HSPA4: variants seen among roughly 807,000 people sequenced by gnomAD.
HSPA4 encodes the protein heat shock 70 kDa protein 4.
Under a neutral mutation model 106.2 loss-of-function variants are expected in HSPA4, and 25 were observed. The observed-to-expected ratio is 0.24, with a 90% CI of 0.17 to 0.33. The LOEUF (loss-of-function observed/expected upper bound fraction) is 0.33, where lower values mean the gene tolerates loss of function less well. Ranked by LOEUF, HSPA4 falls within the 10% of genes least tolerant of loss-of-function variation. HSPA4 has a pLI of 1.00. For missense variants in HSPA4, 841 were observed against 996.0 expected (o/e 0.84, Z 2.10); for synonymous variants, 332 against 333.6 (o/e 1.00, Z 0.05).
At chr5:133,085,936 C>G (rs143201473) in intron 7 of HSPA4, among the ~76,000 whole-genome samples, 1 of 152,150 alleles carries the variant, frequency 6.6e-6, no homozygotes, top group Admixed American at 6.5e-5. Context: ...ATGTACCATA[C>G]TAATGCAAGA....
In HSPA4 at chr5:133,096,104, C is replaced by G. The variant is rs1255007789; in HGVS notation, c.1657C>G (p.Gln553Glu). The change falls in exon 14 of 19, where the codon CAA becomes GAA. Residue 553 changes from glutamine to glutamate, a missense_variant. By Grantham distance (29) the Gln-to-Glu change is conservative. Around this residue, in one of 5 missense-constraint regions of HSPA4, gnomAD observed 328 missense variants for 372.2 expected, o/e 0.88. Coordinates refer to ENST00000304858, the MANE Select transcript of HSPA4 (RefSeq NM_002154.4). Reference sequence around the variant, plus strand: ...ATGATTTCTATTGTTTTAGACCTCTCAAGCTGGATCCAAGGATAAAAAGAT... The same window carrying G: ...ATGATTTCTATTGTTTTAGACCTCTGAAGCTGGATCCAAGGATAAAAAGAT... Reference protein sequence around the residue: ...KAESEEMETSQAGSKDKKMDQ... With the variant: ...KAESEEMETSEAGSKDKKMDQ... 1.9e-6 allele frequency: 3 copies of G among 1,613,498 alleles called. No individual in the cohort carries two copies. In the Admixed American group the frequency reaches 5.0e-5, roughly 27 times the overall value.
intron 18 of HSPA4, 22 bp from the exon 19 acceptor site, chr5:133,104,211 T>G: frequency 6.2e-7 from 1 of 1,607,340 alleles, no homozygotes; most frequent in Non-Finnish European, 8.5e-7. Flanking sequence ...AAGAAACCAG[T>G]TTTCTGTCTT....
At chr5:133,103,372 TTC>T (rs1765813944) in intron 17 of HSPA4, among the ~76,000 whole-genome samples, 1 of 150,610 alleles carries the variant, frequency 6.6e-6, no homozygotes, top group Non-Finnish European at 1.5e-5. Context: ...GGCCTTCTTC[TTC>T]TTTTTTTTTT....
intron 15 of HSPA4, among the ~76,000 whole-genome samples, chr5:133,099,112 C>A (rs971719369): frequency 1.3e-5 from 2 of 152,058 alleles, no homozygotes; most frequent in African/African-American, 4.8e-5. Context: ...TATCTCCCAT[C>A]TCCTTACTCC....
intron 1 of HSPA4, among the ~76,000 whole-genome samples, chr5:133,062,157 T>C (rs553087107): frequency 6.6e-6 from 1 of 152,310 alleles, no homozygotes; most frequent in East Asian, 1.9e-4. Context: ...GGTTCCATAT[T>C]AAGGAATATA....
chr5:133,058,132 C>T (rs1561575264), intron 1 of HSPA4, among the ~76,000 whole-genome samples: 1 of 152,176 alleles, frequency 6.6e-6, no homozygotes, highest in Non-Finnish European at 1.5e-5. Flanking sequence ...TGGCTCATGC[C>T]TGTTATCCCA....
intron 1 of HSPA4, among the ~76,000 whole-genome samples, chr5:133,061,223 C>T (rs931028813): frequency 4.6e-5 from 7 of 150,988 alleles, no homozygotes; most frequent in Admixed American, 2.6e-4. Context: ...GCTGGGTTCA[C>T]GCCATTCTCC....
At chr5:133,059,914 G>C (rs1765217516) in intron 1 of HSPA4, among the ~76,000 whole-genome samples, 1 of 152,156 alleles carries the variant, frequency 6.6e-6, no homozygotes, top group Non-Finnish European at 1.5e-5. Context: ...TGCAAGATTT[G>C]AAAGTTCTTG....
chr5:133,053,273 C>G lies in HSPA4; in HGVS notation c.107+916C>G, dbSNP rs994995579. Among the ~76,000 whole-genome samples, 13 of 148,740 alleles carry G rather than the reference C, an allele frequency of 8.7e-5. No homozygotes were observed. The East Asian group carries it at 2.2e-3, about 25-fold the overall frequency. ...ATACATTTTAATCCGTTGTCGTGTT[C>G]TTAGACAAAATCTTGTAAGAAGTTC... is the stretch of plus-strand genomic sequence containing the variant. On this transcript the variant is annotated intron_variant, in intron 1 of 18. Coordinates refer to ENST00000304858, the MANE Select transcript of HSPA4 (RefSeq NM_002154.4).
intron 2 of HSPA4, among the ~76,000 whole-genome samples, chr5:133,066,178 A>G (rs1215468130): frequency 6.6e-6 from 1 of 152,186 alleles, no homozygotes; most frequent in Admixed American, 6.5e-5. Context: ...CTGGCTGCCC[A>G]GTTCTAGGTT....
chr5:133,054,205 T>TA (rs199946294), intron 1 of HSPA4, among the ~76,000 whole-genome samples: 2,263 of 152,064 alleles, frequency 0.015, 27 homozygotes, highest in Middle Eastern at 0.038. Context: ...TTTATTTATT[T>TA]ATTTATTTAT....
At chr5:133,087,462 A>G (rs1337033658) in intron 8 of HSPA4, among the ~76,000 whole-genome samples, 1 of 152,198 alleles carries the variant, frequency 6.6e-6, no homozygotes. Context: ...GGGAAAGCCC[A>G]TTTCTTTAAA....
chr5:133,076,182 T>C (rs1406566480), intron 6 of HSPA4: 2 of 154,986 alleles, frequency 1.3e-5, no homozygotes, highest in Non-Finnish European at 2.9e-5. Context: ...CACATTGCGG[T>C]GAGCTAAGGC....
Position 133,103,890 on chromosome 5 carries a change from C to A in HSPA4, c.2183C>A (p.Ala728Asp), listed in dbSNP as rs1005979677. 1 of 1,613,860 alleles carries A rather than the reference C, an allele frequency of 6.2e-7. No individual in the cohort carries two copies. Among genetic ancestry groups the A allele is most frequent in the Non-Finnish European group, 8.5e-7 (1 of 1,179,950 alleles). The change falls in exon 18 of 19, where the codon GCT becomes GAT. Residue 728 changes from alanine to aspartate, a missense_variant. Physicochemically the swap from Ala to Asp is moderately radical, Grantham distance 126. Around this residue, in one of 5 missense-constraint regions of HSPA4, gnomAD observed 328 missense variants for 372.2 expected, o/e 0.88. Transcript: ENST00000304858. ...NKEDQYDHLD[A>D]ADMTKVEKST... ...GAGGACCAGTATGATCATTTGGATGCTGCTGACATGACAAAGGTAGAAAAA... is the reference window on the plus strand; with the variant it reads ...GAGGACCAGTATGATCATTTGGATGATGCTGACATGACAAAGGTAGAAAAA...
chr5:133,057,619 G>T (rs1237740563), intron 1 of HSPA4, among the ~76,000 whole-genome samples: 1 of 152,148 alleles, frequency 6.6e-6, no homozygotes, highest in African/African-American at 2.4e-5. Context: ...ATAAATATTC[G>T]GTCAGTAGTT....
chr5:133,067,253 C>A (rs536148595), intron 2 of HSPA4, among the ~76,000 whole-genome samples, 164 bp from the exon 3 acceptor site: 2 of 152,134 alleles, frequency 1.3e-5, no homozygotes, highest in African/African-American at 4.8e-5. Context: ...TCCCTCACTT[C>A]GCATGCTAGT....
intron 7 of HSPA4, among the ~76,000 whole-genome samples, chr5:133,084,551 A>G (rs1304042954): frequency 1.3e-5 from 2 of 151,758 alleles, no homozygotes; most frequent in African/African-American, 2.4e-5. Flanking sequence ...GCTCACTGCA[A>G]CCTCTGCCTT....
chr5:133,083,334 C>A (rs767844595), intron 7 of HSPA4, among the ~76,000 whole-genome samples: 13 of 151,894 alleles, frequency 8.6e-5, no homozygotes, highest in Non-Finnish European at 1.3e-4. Context: ...AAACCCCTAC[C>A]GCTGTTGCCA....
chr5:133,084,356 G>C (rs1765552609), intron 7 of HSPA4, among the ~76,000 whole-genome samples: 1 of 152,086 alleles, frequency 6.6e-6, no homozygotes, highest in Non-Finnish European at 1.5e-5. Context: ...TTTTCTATTA[G>C]AAGTAAAACA....
Sources: allele counts gnomAD v4.1 joint callset (sites outside exome capture counted in the v4.1 genomes callset), GRCh38; gene constraint gnomAD v4.1.1; regional missense constraint gnomAD v4.1.1; transcripts MANE v1.5; gene names NCBI Gene and HGNC (gene_info 2026-07-23, HGNC 2026-07-21).